MAP3K15: variants seen among roughly 807,000 people sequenced by gnomAD.
MAP3K15 encodes the protein mitogen-activated protein kinase kinase kinase 15, also known as MAPK/ERK kinase kinase 15.
MAP3K15 carries 124 observed loss-of-function variants against 99.5 expected under a neutral mutation model. The observed-to-expected ratio is 1.25, with a 90% CI of 1.08 to 1.45. The LOEUF is 1.45. Among genes scored for constraint, MAP3K15 ranks in the 40% most tolerant of loss-of-function variants. The pLI, the probability that MAP3K15 is intolerant of heterozygous loss-of-function variation, is 0.00. For synonymous variants in MAP3K15, 494 were observed against 439.6 expected (o/e 1.12, Z -1.55); for missense variants, 1,242 against 1,079.7 (o/e 1.15, Z -2.11).
intron 6 of MAP3K15, among the ~76,000 whole-genome samples, chrX:19,443,022 CTTTT>C (rs35963207): frequency 5.8e-5 from 1 of 17,235 alleles, no homozygotes; most frequent in Non-Finnish European, 8.9e-5. Flanking sequence ...CCATGCCCGG[CTTTT>C]TTTTTTTTTT....
chrX:19,464,228 A>C lies in MAP3K15; in HGVS notation c.704T>G (p.Ile235Ser). The change falls in exon 4 of 29, where the codon ATC (isoleucine) becomes AGC (serine). Residue 235 changes from isoleucine (I) to serine (S), a missense_variant. Ile to Ser is a moderately radical substitution (Grantham distance 142). Transcript: ENST00000338883. Reference sequence around the variant, plus strand: ...TGGGAATTACCATGAGGTCACGTGGATGTCCTTAAGGAGGCTAATGAACCT... The same window carrying C: ...TGGGAATTACCATGAGGTCACGTGGCTGTCCTTAAGGAGGCTAATGAACCT... ...VDRFISLLKD[I>S]HVTSCVYYKE... The C allele has an allele frequency of 5.0e-6, 6 of 1,197,380 alleles. No individual in the cohort carries two copies. The highest frequency in any genetic ancestry group is 6.7e-6 in the Non-Finnish European group (6 of 893,110).
chrX:19,402,902 C>G (rs5955771), intron 13 of MAP3K15, among the ~76,000 whole-genome samples: 26,228 of 110,873 alleles, frequency 0.24, 6,094 homozygotes, highest in African/African-American at 0.73. Flanking sequence ...CTGGGATCAA[C>G]CGATCCTCCT....
intron 3 of MAP3K15, among the ~76,000 whole-genome samples, chrX:19,482,917 G>A (rs1009007843): frequency 1.9e-4 from 21 of 110,924 alleles, no homozygotes; most frequent in African/African-American, 6.6e-4. Flanking sequence ...TCTGGAGTTT[G>A]GCTTCCTGGC....
intron 1 of MAP3K15, among the ~76,000 whole-genome samples, chrX:19,494,431 C>A (rs1350911629): frequency 8.9e-6 from 1 of 111,880 alleles, no homozygotes; most frequent in Non-Finnish European, 1.9e-5. Context: ...AGCAGGAGGT[C>A]AATTACAAGG....
At position 19,398,297 on chromosome X, in the gene MAP3K15, A is replaced by C. The variant is rs1251143209; in HGVS notation, c.1995T>G (p.Ile665Met). Residue 665 changes from isoleucine to methionine, a missense_variant, in exon 15 of 29, where the codon ATT becomes ATG. Coordinates refer to ENST00000338883, the MANE Select transcript of MAP3K15 (RefSeq NM_001001671.4). ...TGCTCAGATCTCGGCCAGCATACAC[A>C]ATCCCATACGTGCCTTTCCCCAAGA... ...RVVLGKGTYG[I>M]VYAGRDLSNQ... 1 of 1,208,719 alleles carries C rather than the reference A, an allele frequency of 8.3e-7. No homozygotes were observed. Among genetic ancestry groups the C allele is most frequent in the Non-Finnish European group, 1.1e-6 (1 of 894,803 alleles).
At chrX:19,414,376 A>C (rs1417727889) in intron 10 of MAP3K15, 2 of 238,383 alleles carry the variant, frequency 8.4e-6, no homozygotes, top group East Asian at 4.7e-4. Context: ...GCAACAAAAT[A>C]ATTATCATAA....
chrX:19,417,412 C>G (rs1187433436), intron 9 of MAP3K15, among the ~76,000 whole-genome samples: 1 of 112,186 alleles, frequency 8.9e-6, no homozygotes, highest in East Asian at 2.8e-4. Context: ...GCGCCTGGCT[C>G]AGAGGGTCCT....
rs746381836 is a variant in MAP3K15, at chrX:19,443,325, G to A, written c.996-11717C>T. 5.3e-4 allele frequency among the ~76,000 whole-genome samples: 59 copies of A among 111,308 alleles called. 1 individual carries two copies. The highest frequency in any genetic ancestry group is 1.9e-3 in the African/African-American group (57 of 30,631). ...TGGGATGACAGGCATGAGCCACTGC[G>A]CCCAACCCCATTCAACAAATCTTTA... On this transcript the variant is annotated intron_variant, in intron 6 of 28. Coordinates refer to ENST00000338883, the MANE Select transcript of MAP3K15 (RefSeq NM_001001671.4).
At chrX:19,474,283 A>G (rs2064225901) in intron 3 of MAP3K15, among the ~76,000 whole-genome samples, 1 of 111,326 alleles carries the variant, frequency 9.0e-6, no homozygotes, top group Non-Finnish European at 1.9e-5. Flanking sequence ...ACTCAAGCAT[A>G]GCAATGTAGT....
At chrX:19,469,346 T>C (rs2064190974) in intron 3 of MAP3K15, among the ~76,000 whole-genome samples, 1 of 111,761 alleles carries the variant, frequency 8.9e-6, no homozygotes, top group Non-Finnish European at 1.9e-5. Context: ...TGGCTAGCCA[T>C]ATGGAGAAAG....
intron 6 of MAP3K15, among the ~76,000 whole-genome samples, chrX:19,435,543 C>A (rs1187991939): frequency 8.9e-6 from 1 of 111,894 alleles, no homozygotes; most frequent in African/African-American, 3.2e-5. Context: ...TGAAATTTAC[C>A]CTTGTTACTC....
At chrX:19,465,830 GGTGTGTGTGT>G (rs10589040) in intron 3 of MAP3K15, among the ~76,000 whole-genome samples, 42 of 94,002 alleles carry the variant, frequency 4.5e-4, no homozygotes, top group East Asian at 1.0e-3. Context: ...GGTGTGTAGG[GGTGTGTGTGT>G]GTGTGTGTGT....
chrX:19,434,964 T>C (rs1351692661), intron 6 of MAP3K15, among the ~76,000 whole-genome samples: 1 of 112,236 alleles, frequency 8.9e-6, no homozygotes, highest in East Asian at 2.8e-4. Context: ...CTTTTTGTCA[T>C]ATAGAATCTA....
At chrX:19,415,953 AG>A (rs1241877672) in intron 9 of MAP3K15, among the ~76,000 whole-genome samples, 1 of 112,100 alleles carries the variant, frequency 8.9e-6, no homozygotes, top group African/African-American at 3.2e-5. Context: ...AATTAACTGT[AG>A]TGCATACTGC....
At chrX:19,414,342 G>T (rs968577963) in intron 10 of MAP3K15, 5 of 206,611 alleles carry the variant, frequency 2.4e-5, no homozygotes, top group African/African-American at 1.6e-4. Flanking sequence ...ACTAAAAAAA[G>T]ATTTTAAAAT....
At position 19,361,577 on chromosome X, in the gene MAP3K15, T is replaced by G. The variant is rs752937000; in HGVS notation, c.3696A>C (p.Pro1232=). The change falls in exon 27 of 29, where the codon CCA becomes CCC. Residue 1232 remains proline, a synonymous_variant. Coordinates refer to ENST00000338883, the MANE Select transcript of MAP3K15 (RefSeq NM_001001671.4). The part of the protein sequence containing the change: ...KLKSNCITEN[P]AGPYGQRTDK... The stretch of plus-strand genomic sequence containing the variant: ...CTGTTCTCTGCCCGTAGGGGCCTGC[T>G]GGGTTCTCTGTAATACCTGTAACGA... The G allele has an allele frequency of 2.5e-6, 3 of 1,206,095 alleles. No individual in the cohort carries two copies. The highest frequency in any genetic ancestry group is 3.4e-6 in the Non-Finnish European group (3 of 890,411).
intron 22 of MAP3K15, among the ~76,000 whole-genome samples, chrX:19,372,449 A>T (rs2063382177): frequency 1.8e-5 from 2 of 112,329 alleles, no homozygotes; most frequent in African/African-American, 6.5e-5. Flanking sequence ...CTGCAAATTC[A>T]TGTTTCGGCA....
chrX:19,381,306 G>A (rs1468800556), intron 18 of MAP3K15, among the ~76,000 whole-genome samples: 1 of 111,302 alleles, frequency 9.0e-6, no homozygotes, highest in Non-Finnish European at 1.9e-5. Context: ...CAACACCTGG[G>A]AGCGGAGAGG....
At chrX:19,363,003 G>A (rs747572259) in intron 25 of MAP3K15, among the ~76,000 whole-genome samples, 153 bp from the exon 26 acceptor site, 1 of 112,178 alleles carries the variant, frequency 8.9e-6, no homozygotes, top group East Asian at 2.8e-4. Flanking sequence ...AAGCACATGT[G>A]TTTCTTCAGG....
Sources: gnomAD v4.1 joint callset for allele counts (sites outside exome capture counted in the v4.1 genomes callset) on GRCh38, gnomAD v4.1.1 for gene constraint, MANE v1.5 for transcripts, NCBI Gene and HGNC (gene_info 2026-07-23, HGNC 2026-07-21) for gene names.